PDE4B: variants seen among roughly 807,000 people sequenced by gnomAD.
PDE4B encodes phosphodiesterase 4B, also known as 3',5'-cyclic-AMP phosphodiesterase 4B.
PDE4B carries 20 observed loss-of-function variants against 82.2 expected under a neutral mutation model. That is an observed-to-expected ratio of 0.24 (90% CI 0.17 to 0.35). The LOEUF is 0.35. Ranked by LOEUF, PDE4B falls within the 10% of genes least tolerant of loss-of-function variation. The pLI is 1.00. For synonymous variants in PDE4B, 320 were observed against 318.9 expected (o/e 1.00, Z -0.04); for missense variants, 655 against 907.2 (o/e 0.72, Z 3.57).
chr1:66,321,116 CAT>C (rs920942492), intron 7 of PDE4B, among the ~76,000 whole-genome samples: 9 of 152,184 alleles, frequency 5.9e-5, no homozygotes, highest in African/African-American at 1.9e-4. Flanking sequence ...CATAGGGAAA[CAT>C]GTGATTACCA....
At chr1:66,045,831 T>C (rs917981648) in intron 3 of PDE4B, among the ~76,000 whole-genome samples, 1 of 151,722 alleles carries the variant, frequency 6.6e-6, no homozygotes, top group Admixed American at 6.6e-5. Flanking sequence ...GGCTGAGAGA[T>C]GTGCAAATAA....
chr1:66,362,848 G>T (rs1461482057), intron 10 of PDE4B, among the ~76,000 whole-genome samples: 1 of 152,170 alleles, frequency 6.6e-6, no homozygotes, highest in Non-Finnish European at 1.5e-5. Flanking sequence ...TTGAACTAGA[G>T]TGATCTCTAT....
chr1:65,876,822 T>A (rs746501729), intron 1 of PDE4B, among the ~76,000 whole-genome samples: 4 of 151,974 alleles, frequency 2.6e-5, no homozygotes, highest in Admixed American at 6.6e-5. Context: ...AAATAAAATA[T>A]CTAGAAATAC....
At chr1:66,314,528 T>G (rs1658887151) in intron 7 of PDE4B, among the ~76,000 whole-genome samples, 1 of 152,180 alleles carries the variant, frequency 6.6e-6, no homozygotes. Flanking sequence ...TTCTCCTACC[T>G]CAGTCTACTG....
intron 3 of PDE4B, among the ~76,000 whole-genome samples, chr1:65,934,838 C>A (rs1478886330): frequency 6.6e-6 from 1 of 152,042 alleles, no homozygotes; most frequent in African/African-American, 2.4e-5. Flanking sequence ...CTTATATGTA[C>A]CCAACATCAG....
At chr1:66,196,223 G>GCGGC (rs2101502307) in intron 3 of PDE4B, among the ~76,000 whole-genome samples, 1 of 152,300 alleles carries the variant, frequency 6.6e-6, no homozygotes, top group Non-Finnish European at 1.5e-5. Context: ...AGGGCAACTG[G>GCGGC]CGGCCCTGGG....
intron 1 of PDE4B, among the ~76,000 whole-genome samples, chr1:65,880,244 G>A (rs1253703976): frequency 6.6e-6 from 1 of 152,200 alleles, no homozygotes; most frequent in East Asian, 1.9e-4. Context: ...GACGAGTAAG[G>A]ACTCAGAATT....
chr1:66,028,038 G>C (rs1653548571), intron 3 of PDE4B, among the ~76,000 whole-genome samples: 1 of 152,224 alleles, frequency 6.6e-6, no homozygotes, highest in Non-Finnish European at 1.5e-5. Context: ...TAGGGACTCT[G>C]TGTGGGGGCT....
At chr1:65,828,353 C>G (rs1160072943) in intron 1 of PDE4B, among the ~76,000 whole-genome samples, 3 of 152,122 alleles carry the variant, frequency 2.0e-5, no homozygotes, top group African/African-American at 7.2e-5. Context: ...TCAAGCCATT[C>G]TCCTGCCTCA....
intron 7 of PDE4B, among the ~76,000 whole-genome samples, chr1:66,306,921 G>A (rs978117509): frequency 1.3e-5 from 2 of 152,192 alleles, no homozygotes; most frequent in Admixed American, 6.6e-5. Flanking sequence ...TGGCACTTTT[G>A]TAAAAGATCG....
chr1:66,263,192 T>A (rs1460191071), intron 6 of PDE4B, among the ~76,000 whole-genome samples: 2 of 152,158 alleles, frequency 1.3e-5, no homozygotes, highest in Non-Finnish European at 2.9e-5. Context: ...CAATATAGAA[T>A]GAGCAATGCA....
intron 3 of PDE4B, among the ~76,000 whole-genome samples, chr1:65,948,167 A>G (rs913864725): frequency 6.6e-6 from 1 of 151,692 alleles, no homozygotes; most frequent in Admixed American, 6.6e-5. Context: ...GCCCATCCCA[A>G]TTGTACATTT....
chr1:65,827,015 G>C (rs1364540706), intron 1 of PDE4B, among the ~76,000 whole-genome samples: 1 of 152,140 alleles, frequency 6.6e-6, no homozygotes, highest in Non-Finnish European at 1.5e-5. Context: ...AAAAATTACT[G>C]CATACATTAA....
chr1:66,200,291 C>T (rs1648777488), intron 3 of PDE4B, among the ~76,000 whole-genome samples: 1 of 152,148 alleles, frequency 6.6e-6, no homozygotes, highest in Admixed American at 6.5e-5. Context: ...ATGCCTCCAG[C>T]TTTGTTCTTT....
chr1:66,243,121 A>G (rs973980281), intron 3 of PDE4B, among the ~76,000 whole-genome samples: 15 of 152,240 alleles, frequency 9.9e-5, no homozygotes, highest in Non-Finnish European at 2.9e-5. Flanking sequence ...CTCAGGGAGA[A>G]CATAGCAGTG....
At chr1:65,944,332 C>T (rs554145407) in intron 3 of PDE4B, among the ~76,000 whole-genome samples, 1 of 151,716 alleles carries the variant, frequency 6.6e-6, no homozygotes, top group African/African-American at 2.4e-5. Context: ...GGTGAATGGC[C>T]CTTTTAATGT....
chr1:66,298,207 T>C (rs934038630), intron 7 of PDE4B, among the ~76,000 whole-genome samples: 1 of 152,214 alleles, frequency 6.6e-6, no homozygotes, highest in Non-Finnish European at 1.5e-5. Flanking sequence ...AAAGTCACTA[T>C]AGTCATATTA....
chr1:66,349,562 T>C (rs2101984245), intron 8 of PDE4B, among the ~76,000 whole-genome samples: 1 of 152,298 alleles, frequency 6.6e-6, no homozygotes, highest in East Asian at 1.9e-4. Context: ...TAAGCAGACG[T>C]TAATGGACAA....
intron 1 of PDE4B, among the ~76,000 whole-genome samples, chr1:65,812,574 G>A (rs993258142): frequency 6.6e-6 from 1 of 152,148 alleles, no homozygotes; most frequent in African/African-American, 2.4e-5. Flanking sequence ...ATACTGGAGG[G>A]ACTTTCTGTG....
Sources: gnomAD v4.1 joint callset for allele counts (sites outside exome capture counted in the v4.1 genomes callset) on GRCh38, gnomAD v4.1.1 for gene constraint, MANE v1.5 for transcripts, NCBI Gene and HGNC (gene_info 2026-07-23, HGNC 2026-07-21) for gene names.